Variants in SERP2 observed in about 807,000 individuals in gnomAD.
The protein encoded by SERP2 is stress-associated endoplasmic reticulum protein 2.
SERP2 carries 6 observed loss-of-function variants against 9.1 expected under a neutral mutation model. The observed-to-expected ratio is 0.66, with a 90% CI of 0.36 to 1.30. The LOEUF (loss-of-function observed/expected upper bound fraction) is 1.30, where lower values mean the gene tolerates loss of function less well. Ranked by LOEUF, SERP2 falls within the 50% of genes most tolerant of loss-of-function variation. The pLI is 0.03. For synonymous variants in SERP2, 37 were observed against 27.3 expected (o/e 1.35, Z -1.10); for missense variants, 58 against 81.9 (o/e 0.71, Z 1.13).
At chr13:44,379,829 C>T (rs550203187) in intron 2 of SERP2, 116 bp downstream of exon 2, 2 of 695,754 alleles carry the variant, frequency 2.9e-6, no homozygotes, top group South Asian at 1.9e-5. Context: ...TCAAGTTTAT[C>T]ACTGCCTTAA....
chr13:44,394,471 T>C (rs1431258467), intron 2 of SERP2, among the ~76,000 whole-genome samples: 1 of 152,172 alleles, frequency 6.6e-6, no homozygotes, highest in Non-Finnish European at 1.5e-5. Flanking sequence ...CAAAAAGAAT[T>C]GCATGGTTTC....
chr13:44,394,768 T>G (rs1211199282), intron 2 of SERP2, among the ~76,000 whole-genome samples: 1 of 152,362 alleles, frequency 6.6e-6, no homozygotes, highest in Admixed American at 6.5e-5. Context: ...GGCTGGCAGA[T>G]AGTGCTAAGC....
intron 2 of SERP2, 60 bp downstream of exon 2, chr13:44,379,773 G>GT: frequency 8.7e-7 from 1 of 1,145,820 alleles, no homozygotes; most frequent in Non-Finnish European, 1.3e-6. Context: ...AAAAACACAC[G>GT]TTTTCTTCAC....
intron 1 of SERP2, among the ~76,000 whole-genome samples, chr13:44,375,430 TC>T (rs1167614597): frequency 6.6e-6 from 1 of 152,120 alleles, no homozygotes; most frequent in Non-Finnish European, 1.5e-5. Context: ...ATTATATCAC[TC>T]AGTTGTGATT....
At chr13:44,396,942 T>TA (rs1873141147) in intron 2 of SERP2, among the ~76,000 whole-genome samples, 1 of 152,200 alleles carries the variant, frequency 6.6e-6, no homozygotes, top group African/African-American at 2.4e-5. Context: ...CGAAAGCCCA[T>TA]ATCCCTCTCC....
chr13:44,374,581 G>T (rs980218003), intron 1 of SERP2, among the ~76,000 whole-genome samples: 1 of 152,204 alleles, frequency 6.6e-6, no homozygotes, highest in Admixed American at 6.5e-5. Flanking sequence ...ATGAATGAAT[G>T]AATCAATGGC....
chr13:44,381,451 A>T (rs1412998703), intron 2 of SERP2, among the ~76,000 whole-genome samples: 1 of 152,182 alleles, frequency 6.6e-6, no homozygotes, highest in East Asian at 1.9e-4. Flanking sequence ...CTGAGGCAGG[A>T]GAATCACTTG....
chr13:44,374,750 C>T (rs1439656112), intron 1 of SERP2, among the ~76,000 whole-genome samples: 2 of 152,110 alleles, frequency 1.3e-5, no homozygotes, highest in Non-Finnish European at 2.9e-5. Flanking sequence ...GACCCACATT[C>T]CCTCCAGCCT....
Position 44,374,121 on chromosome 13 carries a change from T to A in SERP2, c.84+12T>A. 1 of 1,319,286 alleles carries A rather than the reference T, an allele frequency of 7.6e-7. No individual in the cohort carries two copies. Among genetic ancestry groups the A allele is most frequent in the Non-Finnish European group, 1.0e-6 (1 of 1,003,904 alleles). The allele number at this position is 1,319,286 out of a possible 1,614,324, so 81.7% of individuals were successfully genotyped here. A position where few individuals can be genotyped will look rare whatever the true frequency, so the allele number is the denominator to read the frequency against. Reference sequence around the variant, plus strand: ...TAGCCAAAACCCTGGTAAGGCGGGGTCGGCGCCGGCCAGGCAGAGCCCTGC... The same window carrying A: ...TAGCCAAAACCCTGGTAAGGCGGGGACGGCGCCGGCCAGGCAGAGCCCTGC... On this transcript the variant is annotated intron_variant, in intron 1 of 2. Coordinates refer to ENST00000379179, the MANE Select transcript of SERP2 (RefSeq NM_001010897.3).
intron 2 of SERP2, among the ~76,000 whole-genome samples, chr13:44,389,589 T>G (rs1872516915): frequency 6.6e-6 from 1 of 152,176 alleles, no homozygotes. Context: ...TTTTGCCCAT[T>G]TTCGTAGCTT....
intron 2 of SERP2, chr13:44,391,007 G>C (rs150343069): frequency 6.6e-6 from 1 of 152,068 alleles, no homozygotes; most frequent in Non-Finnish European, 1.5e-5. Flanking sequence ...TTCTTCTTCC[G>C]GCCTCTCTTA....
chr13:44,394,407 G>A (rs1731584245), intron 2 of SERP2, among the ~76,000 whole-genome samples: 1 of 152,216 alleles, frequency 6.6e-6, no homozygotes, highest in Non-Finnish European at 1.5e-5. Flanking sequence ...ACAGGCATGA[G>A]CCACCGCACC....
At chr13:44,378,827 T>G (rs1275273359) in intron 1 of SERP2, among the ~76,000 whole-genome samples, 1 of 152,250 alleles carries the variant, frequency 6.6e-6, no homozygotes, top group East Asian at 1.9e-4. Flanking sequence ...TTATTATGTC[T>G]GTGCTTTTGG....
intron 2 of SERP2, among the ~76,000 whole-genome samples, chr13:44,387,404 C>T (rs1205810972): frequency 6.6e-6 from 1 of 152,164 alleles, no homozygotes; most frequent in East Asian, 1.9e-4. Flanking sequence ...CTGGCAGGGC[C>T]ACGTTCTCAT....
chr13:44,395,756 ACT>A, intron 2 of SERP2: 3 of 456,144 alleles, frequency 6.6e-6, no homozygotes, highest in South Asian at 4.7e-5. Context: ...GAGCTGATTG[ACT>A]CTGATTTGAC....
Position 44,397,412 on chromosome 13 carries a change from T to G in SERP2, c.*100T>G. ...CGGGAAACAAGCAGGCCACACGGAATAGAAAAAAACGCTCCCCCACTTGTT... is the reference window on the plus strand; with the variant it reads ...CGGGAAACAAGCAGGCCACACGGAAGAGAAAAAAACGCTCCCCCACTTGTT... On this transcript the variant is annotated 3_prime_UTR_variant, in exon 3 of 3. Transcript: ENST00000379179. 1.1e-6 allele frequency: 1 copy of G among 942,496 alleles called. No individual in the cohort carries two copies. 58.4% of individuals were successfully genotyped at this position (942,496 alleles called of 1,614,324 possible).
intron 1 of SERP2, among the ~76,000 whole-genome samples, chr13:44,374,643 C>T (rs1871538772): frequency 6.6e-6 from 1 of 152,188 alleles, no homozygotes; most frequent in African/African-American, 2.4e-5. Context: ...TCTTCCCTCC[C>T]CAACAGACTT....
At chr13:44,377,305 G>T (rs1871713650) in intron 1 of SERP2, among the ~76,000 whole-genome samples, 1 of 152,152 alleles carries the variant, frequency 6.6e-6, no homozygotes, top group Non-Finnish European at 1.5e-5. Flanking sequence ...TAGCTTTGCT[G>T]GAAATAGAGA....
intron 2 of SERP2, among the ~76,000 whole-genome samples, chr13:44,395,460 C>G (rs1211922231): frequency 6.6e-6 from 1 of 151,788 alleles, no homozygotes; most frequent in Admixed American, 6.6e-5. Flanking sequence ...AAAAATTAGC[C>G]GGGCATGGTA....
Sources: gnomAD v4.1 joint callset for allele counts (sites outside exome capture counted in the v4.1 genomes callset) on GRCh38, gnomAD v4.1.1 for gene constraint, MANE v1.5 for transcripts, NCBI Gene and HGNC (gene_info 2026-07-23, HGNC 2026-07-21) for gene names.